Variants in DMD observed in about 807,000 individuals in gnomAD.
DMD encodes mutant dystrophin.
Under a neutral mutation model 330.1 loss-of-function variants are expected in DMD, and 63 were observed. The observed-to-expected ratio is 0.19, with a 90% CI of 0.16 to 0.24. The LOEUF is 0.24. DMD is among the 10% of genes least tolerant of loss of function. DMD has a pLI of 1.00. For missense variants in DMD, 3,344 were observed against 2,684.1 expected (o/e 1.25, Z -5.43); for synonymous variants, 1,223 against 959.8 (o/e 1.27, Z -5.07).
At chrX:32,309,940 C>T in intron 42 of DMD, 142 bp downstream of exon 42, 1 of 516,824 alleles carries the variant, frequency 1.9e-6, no homozygotes, top group Non-Finnish European at 3.2e-6. Flanking sequence ...TGAAGCCAAC[C>T]ACACTATCAA....
intron 55 of DMD, among the ~76,000 whole-genome samples, chrX:31,619,244 T>C (rs1212433971): frequency 9.0e-6 from 1 of 111,474 alleles, no homozygotes; most frequent in Admixed American, 9.6e-5. Flanking sequence ...CAAGTAGCAA[T>C]AGATAAATTA....
intron 2 of DMD, among the ~76,000 whole-genome samples, chrX:33,012,606 C>A (rs768818401): frequency 9.0e-6 from 1 of 111,312 alleles, no homozygotes; most frequent in Non-Finnish European, 1.9e-5. Context: ...TAAGGTGATA[C>A]TCATTTAGTA....
intron 2 of DMD, among the ~76,000 whole-genome samples, chrX:32,923,388 C>T (rs906180149): frequency 9.1e-6 from 1 of 109,484 alleles, no homozygotes; most frequent in Non-Finnish European, 1.9e-5. Context: ...TAGCGAAACC[C>T]CATCTCTACT....
intron 4 of DMD, among the ~76,000 whole-genome samples, chrX:32,828,670 C>CAT (rs1216490238): frequency 9.1e-6 from 1 of 109,317 alleles, no homozygotes; most frequent in African/African-American, 3.4e-5. Context: ...CATACACACA[C>CAT]ATATATACAC....
intron 55 of DMD, among the ~76,000 whole-genome samples, chrX:31,546,786 T>C (rs1459380036): frequency 8.9e-6 from 1 of 112,250 alleles, no homozygotes; most frequent in African/African-American, 3.2e-5. Context: ...CCCCTATCTA[T>C]GACATAGAAT....
chrX:31,120,673 T>G lies in DMD; in HGVS notation c.*1246A>C, dbSNP rs1348226909. The G allele has an allele frequency of 9.0e-6, 1 of 111,300 alleles. No individual in the cohort carries two copies. Among genetic ancestry groups the G allele is most frequent in the South Asian group, 3.8e-4 (1 of 2,642 alleles). 9.2% of individuals were successfully genotyped at this position (111,300 alleles called of 1,213,427 possible). A position where few individuals can be genotyped will look rare whatever the true frequency, so the allele number is the denominator to read the frequency against. The stretch of plus-strand genomic sequence containing the variant: ...ATGAACAATCATCCAATCCTTCACT[T>G]AAAGAGTGGCCTACTCCTTCACAGG... On this transcript the variant is annotated 3_prime_UTR_variant, in exon 79 of 79. Coordinates refer to ENST00000357033, the MANE Select transcript of DMD (RefSeq NM_004006.3).
intron 44 of DMD, among the ~76,000 whole-genome samples, chrX:32,031,070 A>C (rs2095878983): frequency 1.8e-5 from 2 of 111,486 alleles, no homozygotes; most frequent in African/African-American, 6.5e-5. Context: ...TTAATCAAAA[A>C]CAGTAAACAA....
In DMD at chrX:31,398,644, A is replaced by G. The variant is rs1047006272; in HGVS notation, c.9084+45837T>C. The stretch of plus-strand genomic sequence containing the variant: ...TCAGTGAATTGGAGCCACATCATAT[A>G]TATTTTTTCTTTTTTAGAGATGAGA... On this transcript the variant is annotated intron_variant, in intron 60 of 78. Coordinates refer to ENST00000357033, the MANE Select transcript of DMD (RefSeq NM_004006.3). Among the ~76,000 whole-genome samples the G allele has an allele frequency of 7.2e-5, 8 of 111,605 alleles. No homozygotes were observed. The East Asian group carries it at 1.4e-3, about 20-fold the overall frequency.
intron 21 of DMD, among the ~76,000 whole-genome samples, chrX:32,481,426 G>T (rs1487520485): frequency 2.7e-5 from 3 of 111,129 alleles, no homozygotes; most frequent in Non-Finnish European, 1.9e-5. Context: ...ATACAACTAA[G>T]GGTACTTAAT....
chrX:32,061,658 A>G (rs2096226176), intron 44 of DMD, among the ~76,000 whole-genome samples: 1 of 111,110 alleles, frequency 9.0e-6, no homozygotes, highest in East Asian at 2.9e-4. Context: ...TGGAATTAAG[A>G]AATGTGGAGG....
chrX:31,950,554 T>C (rs2095147553), intron 45 of DMD, among the ~76,000 whole-genome samples: 1 of 111,190 alleles, frequency 9.0e-6, no homozygotes, highest in African/African-American at 3.3e-5. Context: ...TTTTTCTGTC[T>C]AATTGGCCTG....
At chrX:31,429,983 T>C (rs1269670463) in intron 60 of DMD, among the ~76,000 whole-genome samples, 3 of 110,963 alleles carry the variant, frequency 2.7e-5, no homozygotes, top group South Asian at 3.9e-4. Flanking sequence ...GAACTACGCA[T>C]AGTGCCCGGA....
At chrX:32,403,378 A>G (rs181208525) in intron 30 of DMD, among the ~76,000 whole-genome samples, 218 of 111,929 alleles carry the variant, frequency 1.9e-3, no homozygotes, top group Non-Finnish European at 3.3e-3. Context: ...AGTTTTTGCC[A>G]TTAATTTTAA....
At chrX:31,774,822 T>G (rs2090560061) in intron 50 of DMD, among the ~76,000 whole-genome samples, 1 of 112,090 alleles carries the variant, frequency 8.9e-6, no homozygotes, top group South Asian at 3.7e-4. Context: ...TACAATATTT[T>G]CTTAAAAATG....
chrX:31,756,550 T>C (rs1199157650), intron 51 of DMD, among the ~76,000 whole-genome samples: 2 of 113,030 alleles, frequency 1.8e-5, no homozygotes, highest in Non-Finnish European at 3.7e-5. Context: ...CTGGCACTTA[T>C]CAATGGCATT....
At position 32,849,592 on chromosome X, in the gene DMD, C is replaced by G. The variant is rs1488171063; in HGVS notation, c.186+136G>C. 2.5e-5 allele frequency: 12 copies of G among 471,933 alleles called. No homozygotes were observed. In the Admixed American group the frequency reaches 2.9e-4, roughly 11 times the overall value. 38.9% of individuals were successfully genotyped at this position (471,933 alleles called of 1,213,427 possible). On this transcript the variant is annotated intron_variant, in intron 3 of 78. Transcript: ENST00000357033. The stretch of plus-strand genomic sequence containing the variant: ...GCCAAATGAAAATCATACGAGGTTG[C>G]TTTACTAAGGAATAGGTATTGCTGT...
chrX:31,819,665 G>A (rs1279542582), intron 50 of DMD, among the ~76,000 whole-genome samples: 2 of 112,807 alleles, frequency 1.8e-5, no homozygotes, highest in East Asian at 2.8e-4. Context: ...GGGCTCCTGC[G>A]AGACTGGCTT....
At position 31,383,027 on chromosome X, in the gene DMD, G is replaced by A. The variant is rs148033054; in HGVS notation, c.9085-34393C>T. Among the ~76,000 whole-genome samples the A allele has an allele frequency of 5.3e-3, 581 of 109,541 alleles. 5 individuals are homozygous for A. The highest frequency in any genetic ancestry group is 0.019 in the African/African-American group (553 of 28,896). On this transcript the variant is annotated intron_variant, in intron 60 of 78. Transcript: ENST00000357033. ...ATCACAAAAGAAGTGAAATTTAAAT[G>A]GCCTGTTCCTGCCTTAACTGATGAC...
At chrX:33,021,370 A>AC (rs906570602) in intron 1 of DMD, among the ~76,000 whole-genome samples, 1 of 107,820 alleles carries the variant, frequency 9.3e-6, no homozygotes, top group African/African-American at 3.3e-5. Flanking sequence ...GCAAAAGACT[A>AC]TTTTTTTAAT....
Sources: gnomAD v4.1 joint callset for allele counts (sites outside exome capture counted in the v4.1 genomes callset) on GRCh38, gnomAD v4.1.1 for gene constraint, MANE v1.5 for transcripts, NCBI Gene and HGNC (gene_info 2026-07-23, HGNC 2026-07-21) for gene names.